RPGRIP1L: variants seen among roughly 807,000 people sequenced by gnomAD.
RPGRIP1L encodes the protein RPGRIP1 like, also known as protein fantom.
Under a neutral mutation model 160.4 loss-of-function variants are expected in RPGRIP1L, and 131 were observed. The observed-to-expected ratio is 0.82, with a 90% confidence interval of 0.71 to 0.94. The LOEUF is 0.94. RPGRIP1L is among the 40% of genes least tolerant of loss of function. RPGRIP1L has a pLI of 0.00. For synonymous variants in RPGRIP1L, 510 were observed against 515.8 expected (o/e 0.99, Z 0.15); for missense variants, 1,522 against 1,535.8 (o/e 0.99, Z 0.15).
chr16:53,635,133 T>C (rs902113042), intron 22 of RPGRIP1L, among the ~76,000 whole-genome samples: 8 of 152,158 alleles, frequency 5.3e-5, no homozygotes, highest in Non-Finnish European at 1.0e-4. Context: ...ATTAGAATTA[T>C]TGGAATATTT....
At chr16:53,678,972 G>A (rs1969407593) in intron 6 of RPGRIP1L, among the ~76,000 whole-genome samples, 1 of 152,204 alleles carries the variant, frequency 6.6e-6, no homozygotes, top group South Asian at 2.1e-4. Context: ...AAGGCTGCTA[G>A]TAAACTGAAT....
Position 53,622,022 on chromosome 16 carries a change from C to CAAAAAA in RPGRIP1L, c.3432+191_3432+196dup, listed in dbSNP as rs36057385. ...TGGCAGACAGAGCAAGACTCCGTCT[C>CAAAAAA]AAAAAAAAAAAAAAAAAAAAAAAAA... On this transcript the variant is annotated intron_variant, in intron 23 of 26. Coordinates refer to ENST00000647211, the MANE Select transcript of RPGRIP1L (RefSeq NM_015272.5). Among the ~76,000 whole-genome samples the CAAAAAA allele has an allele frequency of 4.6e-4, 11 of 24,130 alleles. 2 individuals are homozygous for CAAAAAA. The highest frequency in any genetic ancestry group is 1.2e-3 in the African/African-American group (8 of 6,610). The allele number at this position is 24,130 out of a possible 152,430, so 15.8% of individuals were successfully genotyped here.
chr16:53,636,812 T>G (rs1567819075), intron 21 of RPGRIP1L, among the ~76,000 whole-genome samples: 1 of 152,206 alleles, frequency 6.6e-6, no homozygotes. Context: ...AGATGTTTTT[T>G]AACAGTCTGA....
intron 24 of RPGRIP1L, among the ~76,000 whole-genome samples, chr16:53,618,181 C>T (rs1964494212): frequency 6.6e-6 from 1 of 152,122 alleles, no homozygotes; most frequent in Non-Finnish European, 1.5e-5. Flanking sequence ...GACAGAAAAC[C>T]TGCCTGCTGC....
At chr16:53,653,010 T>C (rs771427805) in intron 14 of RPGRIP1L, 23 bp from the exon 15 acceptor site, 12 of 1,583,482 alleles carry the variant, frequency 7.6e-6, no homozygotes, top group Non-Finnish European at 1.0e-5. Context: ...ACACACAGTT[T>C]AGAGATTTCA....
chr16:53,636,287 G>A, intron 22 of RPGRIP1L, 152 bp downstream of exon 22: 1 of 640,454 alleles, frequency 1.6e-6, no homozygotes, highest in African/African-American at 1.8e-5. Context: ...ATTTCTTGTA[G>A]TAGATGACTA....
chr16:53,647,521 T>A (rs1224285370), intron 16 of RPGRIP1L, among the ~76,000 whole-genome samples: 1 of 152,182 alleles, frequency 6.6e-6, no homozygotes, highest in East Asian at 1.9e-4. Flanking sequence ...CGTGTCCAGA[T>A]ATGTCTTGCT....
At position 53,611,057 on chromosome 16, in the gene RPGRIP1L, C is replaced by T. The variant is rs377099270; in HGVS notation, c.3617-6G>A. The T allele has an allele frequency of 1.9e-6, 3 of 1,602,854 alleles. No individual in the cohort carries two copies. Among genetic ancestry groups the T allele is most frequent in the East Asian group, 2.2e-5 (1 of 44,820 alleles). Reference sequence around the variant, plus strand: ...TTCTTTATCCACGTAGATCACTATACCAAAAGAAAAAAAAATGCCAAAAAG... The same window carrying T: ...TTCTTTATCCACGTAGATCACTATATCAAAAGAAAAAAAAATGCCAAAAAG... On this transcript the variant is annotated splice_region_variant and splice_polypyrimidine_tract_variant and intron_variant, in intron 24 of 26. Transcript: ENST00000647211.
At chr16:53,675,185 T>C (rs1192295805) in intron 6 of RPGRIP1L, 63 bp from the exon 7 acceptor site, 2 of 1,026,334 alleles carry the variant, frequency 1.9e-6, no homozygotes, top group East Asian at 2.4e-5. Context: ...GAAGAAAATC[T>C]ATGGTGGAAT....
At chr16:53,627,890 A>G (rs940064577) in intron 22 of RPGRIP1L, among the ~76,000 whole-genome samples, 1 of 152,066 alleles carries the variant, frequency 6.6e-6, no homozygotes, top group Non-Finnish European at 1.5e-5. Context: ...GTTGTTTACC[A>G]TTTTTTGCTA....
intron 4 of RPGRIP1L, among the ~76,000 whole-genome samples, chr16:53,691,278 A>G (rs765963361): frequency 2.0e-5 from 3 of 152,072 alleles, no homozygotes; most frequent in Non-Finnish European, 4.4e-5. Context: ...GTTACTTAAG[A>G]TATTTATTGA....
chr16:53,616,137 A>G (rs865926738), intron 24 of RPGRIP1L, among the ~76,000 whole-genome samples: 1 of 152,210 alleles, frequency 6.6e-6, no homozygotes, highest in Non-Finnish European at 1.5e-5. Context: ...GACAGCATGT[A>G]CTAATTGTCC....
At chr16:53,667,139 G>A (rs1968333727) in intron 9 of RPGRIP1L, among the ~76,000 whole-genome samples, 1 of 152,096 alleles carries the variant, frequency 6.6e-6, no homozygotes, top group African/African-American at 2.4e-5. Flanking sequence ...ACAACTGAAG[G>A]GGGATCATAG....
intron 6 of RPGRIP1L, among the ~76,000 whole-genome samples, chr16:53,685,707 G>C (rs952524860): frequency 1.3e-5 from 2 of 151,896 alleles, no homozygotes; most frequent in Non-Finnish European, 2.9e-5. Flanking sequence ...GGGCCTGTCG[G>C]AGGGTGAGGG....
intron 15 of RPGRIP1L, among the ~76,000 whole-genome samples, chr16:53,650,116 G>A (rs892120118): frequency 1.3e-5 from 2 of 152,140 alleles, no homozygotes; most frequent in Non-Finnish European, 2.9e-5. Flanking sequence ...GAATCATGCT[G>A]AAATTTAATT....
intron 3 of RPGRIP1L, chr16:53,695,730 T>C (rs1567892351): frequency 2.7e-6 from 1 of 377,044 alleles, no homozygotes; most frequent in East Asian, 5.0e-5. Context: ...GAGACTGAAG[T>C]GATGTTTTCA....
intron 16 of RPGRIP1L, among the ~76,000 whole-genome samples, chr16:53,648,626 G>GCGCA (rs1555602385): frequency 0.025 from 3,671 of 144,050 alleles, 70 homozygotes; most frequent in Non-Finnish European, 0.042. Flanking sequence ...GCGCGCGCGC[G>GCGCA]CACACACACA....
intron 17 of RPGRIP1L, among the ~76,000 whole-genome samples, chr16:53,644,637 C>A (rs764530784): frequency 6.6e-6 from 1 of 152,118 alleles, no homozygotes; most frequent in African/African-American, 2.4e-5. Flanking sequence ...TTATCTGAAA[C>A]AATGGATGCC....
intron 24 of RPGRIP1L, among the ~76,000 whole-genome samples, chr16:53,611,310 G>A (rs965885917): frequency 5.9e-5 from 9 of 152,178 alleles, no homozygotes; most frequent in African/African-American, 1.4e-4. Flanking sequence ...CCACATCACC[G>A]TCACTGCCTG....
Sources: gnomAD v4.1 joint callset for allele counts (sites outside exome capture counted in the v4.1 genomes callset) on GRCh38, gnomAD v4.1.1 for gene constraint, MANE v1.5 for transcripts, NCBI Gene and HGNC (gene_info 2026-07-23, HGNC 2026-07-21) for gene names.